EGR3: variants seen among roughly 807,000 people sequenced by gnomAD.
The protein encoded by EGR3 is early growth response 3.
A neutral mutation model predicts 22.4 loss-of-function variants in EGR3; 4 were observed. That is an observed-to-expected ratio of 0.18 (90% CI 0.09 to 0.41). The LOEUF is 0.41. Ranked by LOEUF, EGR3 falls within the 10% of genes least tolerant of loss-of-function variation. EGR3 has a pLI of 1.00. For synonymous variants in EGR3, 219 were observed against 226.8 expected, an observed-to-expected ratio of 0.97 and a Z score of 0.31; for missense variants, 315 against 541.3, an observed-to-expected ratio of 0.58 and a Z score of 4.15.
rs772418656 is a variant in EGR3 at position 22,691,494 on chromosome 8, G to A, written c.155-12C>T. 7.5e-6 allele frequency: 12 copies of A among 1,610,102 alleles called. No homozygotes were observed. The highest frequency in any genetic ancestry group is 5.5e-5 in the South Asian group (5 of 91,020). Reference sequence around the variant, plus strand: ...GTCCATTACATTCTCTGCGGAGAGCGGGGGAGAGAGGGGAGGGGTGAGTGA... The same window carrying A: ...GTCCATTACATTCTCTGCGGAGAGCAGGGGAGAGAGGGGAGGGGTGAGTGA... On this transcript the variant is annotated splice_polypyrimidine_tract_variant and intron_variant, in intron 1 of 1. Transcript: ENST00000317216.
chr8:22,691,929 A>T, intron 1 of EGR3: 4 of 1,230,492 alleles, frequency 3.3e-6, no homozygotes, highest in Non-Finnish European at 4.1e-6. Context: ...CTCCCCGGCG[A>T]TGCCCCCCAC....
rs1008542728 is a variant in EGR3 at position 22,690,157 on chromosome 8, G to T, written c.*316C>A. 1.2e-5 allele frequency: 5 copies of T among 415,346 alleles called. No homozygotes were observed. Among genetic ancestry groups the T allele is most frequent in the Non-Finnish European group, 2.2e-5 (5 of 231,902 alleles). The allele number at this position is 415,346 out of a possible 1,614,324, so 25.7% of individuals were successfully genotyped here. On this transcript the variant is annotated 3_prime_UTR_variant, in exon 2 of 2. Coordinates refer to ENST00000317216, the MANE Select transcript of EGR3 (RefSeq NM_004430.3). ...GGGCTCCGCCTTCAGTCCCTTGCAG[G>T]TCCTTGGCGCGGCCCGGCGGCCCCT...
In EGR3 at chr8:22,692,481, A is replaced by G; in HGVS notation, c.154+310T>C. The G allele has an allele frequency of 7.0e-7, 1 of 1,431,022 alleles. No individual in the cohort carries two copies. The highest frequency in any genetic ancestry group is 9.1e-7 in the Non-Finnish European group (1 of 1,097,260). 88.6% of individuals were successfully genotyped at this position (1,431,022 alleles called of 1,614,324 possible). On this transcript the variant is annotated intron_variant, in intron 1 of 1. Coordinates refer to ENST00000317216, the MANE Select transcript of EGR3 (RefSeq NM_004430.3). The surrounding 1 kb of genome is among the most constrained non-coding windows in gnomAD (Gnocchi z 6.2). The stretch of plus-strand genomic sequence containing the variant: ...CCCCTGCGTGGTGAGGGAGAACCCC[A>G]GAGCCGCTCGCACCTACCTCCCTCC...
In EGR3 at chr8:22,692,167, C is replaced by G; in HGVS notation, c.154+624G>C. On this transcript the variant is annotated intron_variant, in intron 1 of 1. Coordinates refer to ENST00000317216, the MANE Select transcript of EGR3 (RefSeq NM_004430.3). This position sits in a 1 kb window ranked among gnomAD's most constrained non-coding sequence, Gnocchi z 6.2. The stretch of plus-strand genomic sequence containing the variant: ...TGTCTCCATGGCGGGAGAGGCCGCC[C>G]TTCCCCAGCTCCCCGGCCCCGGGAT... The G allele has an allele frequency of 5.8e-6, 8 of 1,377,906 alleles. No individual in the cohort carries two copies. Among genetic ancestry groups the G allele is most frequent in the Non-Finnish European group, 7.5e-6 (8 of 1,070,264 alleles). The allele number at this position is 1,377,906 out of a possible 1,614,324, so 85.4% of individuals were successfully genotyped here. A position where few individuals can be genotyped will look rare whatever the true frequency, so the allele number is the denominator to read the frequency against.
chr8:22,691,127 G>C lies in EGR3; in HGVS notation c.510C>G (p.Ala170=). ...FHDPQGNPGL[A]YSPQDYQSAK... Reference sequence around the variant, plus strand: ...CCGATTGGTAATCCTGGGGGGAATAGGCGAGCCCGGGATTGCCCTGGGGGT... The same window carrying C: ...CCGATTGGTAATCCTGGGGGGAATACGCGAGCCCGGGATTGCCCTGGGGGT... Residue 170 remains alanine (A), a synonymous_variant, in exon 2 of 2, where the codon GCC becomes GCG. Coordinates refer to ENST00000317216, the MANE Select transcript of EGR3 (RefSeq NM_004430.3). 1 of 1,614,144 alleles carries C rather than the reference G, an allele frequency of 6.2e-7. No homozygotes were observed. The highest frequency in any genetic ancestry group is 8.5e-7 in the Non-Finnish European group (1 of 1,180,024).
In EGR3 at chr8:22,693,336, C is replaced by G; in HGVS notation, c.-392G>C. ...AGACACGCGCCCGCCGCCCCCCCGC[C>G]CCCCGATCTGCCACCGCCACCGCCA... On this transcript the variant is annotated 5_prime_UTR_variant, in exon 1 of 2. Transcript: ENST00000317216. 7.8e-6 allele frequency: 1 copy of G among 128,536 alleles called. No individual in the cohort carries two copies. The highest frequency in any genetic ancestry group is 1.6e-5 in the Non-Finnish European group (1 of 60,874). The allele number at this position is 128,536 out of a possible 1,614,324, so 8.0% of individuals were successfully genotyped here.
In EGR3 at chr8:22,692,396, G is replaced by A. The variant is rs978944649; in HGVS notation, c.154+395C>T. 1.2e-5 allele frequency: 17 copies of A among 1,445,962 alleles called. No individual in the cohort carries two copies. In the African/African-American group the frequency reaches 2.3e-4, roughly 20 times the overall value. 89.6% of individuals were successfully genotyped at this position (1,445,962 alleles called of 1,614,324 possible). ...GGAGAGCGCGGGTGAAAAAGACGCC[G>A]GGCTCCTCCCGGGAAGAGGGCGACA... On this transcript the variant is annotated intron_variant, in intron 1 of 1. Coordinates refer to ENST00000317216, the MANE Select transcript of EGR3 (RefSeq NM_004430.3). This position sits in a 1 kb window ranked among gnomAD's most constrained non-coding sequence, Gnocchi z 6.2.
At position 22,690,683 on chromosome 8, in the gene EGR3, G is replaced by A. The variant is rs147802335; in HGVS notation, c.954C>T (p.Asp318=). 6.2e-7 allele frequency: 1 copy of A among 1,614,066 alleles called. No individual in the cohort carries two copies. The highest frequency in any genetic ancestry group is 8.5e-7 in the Non-Finnish European group (1 of 1,179,908). The part of the protein sequence containing the change: ...RICMRSFSRS[D]HLTTHIRTHT... ...GAGTGCGGATGTGAGTGGTGAGGTG[G>A]TCGCTGCGGCTGAAGCTCCGCATGC... is the stretch of plus-strand genomic sequence containing the variant. Residue 318 remains aspartate (D), a synonymous_variant, in exon 2 of 2, where the codon GAC becomes GAT. Coordinates refer to ENST00000317216, the MANE Select transcript of EGR3 (RefSeq NM_004430.3).
In EGR3 at chr8:22,692,187, C is replaced by T; in HGVS notation, c.154+604G>A. ...CCGCCCTTCCCCAGCTCCCCGGCCC[C>T]GGGATCGTTCCCCGTGGCAGGCCCT... On this transcript the variant is annotated intron_variant, in intron 1 of 1. Transcript: ENST00000317216. The surrounding 1 kb of genome is among the most constrained non-coding windows in gnomAD (Gnocchi z 6.2). 7.2e-7 allele frequency: 1 copy of T among 1,392,354 alleles called. No homozygotes were observed. The highest frequency in any genetic ancestry group is 1.6e-5 in the South Asian group (1 of 64,194). 86.2% of individuals were successfully genotyped at this position (1,392,354 alleles called of 1,614,324 possible).
chr8:22,692,925 T>C lies in EGR3; in HGVS notation c.20A>G (p.Glu7Gly). Residue 7 changes from glutamate to glycine, a missense_variant, in exon 1 of 2, where the codon GAG (glutamate) becomes GGG (glycine). Transcript: ENST00000317216. The surrounding 1 kb of genome is among the most constrained non-coding windows in gnomAD (Gnocchi z 6.2). ...ACTGCTCATGGTCACCGGCAGCTTC[T>C]CGGCGAGTTTGCCGGTCATAGCACT... Reference protein sequence around the residue: MTGKLAEKLPVTMSSLL... With the variant: MTGKLAGKLPVTMSSLL... The C allele has an allele frequency of 6.2e-7, 1 of 1,612,042 alleles. No individual in the cohort carries two copies. Among genetic ancestry groups the C allele is most frequent in the Non-Finnish European group, 8.5e-7 (1 of 1,179,570 alleles).
rs1474060587 is a variant in EGR3, at chr8:22,688,107, T to G, written c.*2366A>C. ...TTCTCTCAGTTCACATAAGTTAGAG[T>G]GCATTTTCTTTTGTTGCTTTTTTTT... On this transcript the variant is annotated 3_prime_UTR_variant, in exon 2 of 2. Coordinates refer to ENST00000317216, the MANE Select transcript of EGR3 (RefSeq NM_004430.3). 1 of 152,410 alleles carries G rather than the reference T, an allele frequency of 6.6e-6. No individual in the cohort carries two copies. Among genetic ancestry groups the G allele is most frequent in the African/African-American group, 2.4e-5 (1 of 41,406 alleles). 9.4% of individuals were successfully genotyped at this position (152,410 alleles called of 1,614,324 possible).
rs1804007121 is a variant in EGR3 at position 22,692,553 on chromosome 8, C to T, written c.154+238G>A. ...GGGAGAACCGAAGCCTCTACCGTGG[C>T]GTCGCCAACCTAGCCTTCTCGATCG... On this transcript the variant is annotated intron_variant, in intron 1 of 1. Coordinates refer to ENST00000317216, the MANE Select transcript of EGR3 (RefSeq NM_004430.3). The surrounding 1 kb of genome is among the most constrained non-coding windows in gnomAD (Gnocchi z 6.2). 1.4e-6 allele frequency: 2 copies of T among 1,411,376 alleles called. No homozygotes were observed. Among genetic ancestry groups the T allele is most frequent in the Non-Finnish European group, 1.8e-6 (2 of 1,085,328 alleles). 87.4% of individuals were successfully genotyped at this position (1,411,376 alleles called of 1,614,324 possible).
chr8:22,690,972 G>A lies in EGR3; in HGVS notation c.665C>T (p.Pro222Leu). The A allele has an allele frequency of 6.4e-7, 1 of 1,567,346 alleles. No individual in the cohort carries two copies. The highest frequency in any genetic ancestry group is 8.7e-7 in the Non-Finnish European group (1 of 1,153,938). Residue 222 changes from proline (P) to leucine (L), a missense_variant, in exon 2 of 2, where the codon CCG (proline) becomes CTG (leucine). This residue lies in a region of EGR3 where 227 missense variants were observed against 303.6 expected (regional missense o/e 0.75). Coordinates refer to ENST00000317216, the MANE Select transcript of EGR3 (RefSeq NM_004430.3). Reference sequence around the variant, plus strand: ...GGTCTCCAGAGGGGTAATAGGGGGCGGGTTGACCCGGATGGGGTCCATGCC... The same window carrying A: ...GGTCTCCAGAGGGGTAATAGGGGGCAGGTTGACCCGGATGGGGTCCATGCC... The part of the protein sequence containing the change: ...FQGMDPIRVN[P>L]PPITPLETIK...
Position 22,690,266 on chromosome 8 carries a change from G to A in EGR3, c.*207C>T, listed in dbSNP as rs1803898075. On this transcript the variant is annotated 3_prime_UTR_variant, in exon 2 of 2. Coordinates refer to ENST00000317216, the MANE Select transcript of EGR3 (RefSeq NM_004430.3). Reference sequence around the variant, plus strand: ...CCTTGGCTAAGTGGGGGACCGCGAGGGGAAGGCGCCTCCAGCCCTGGCCCC... The same window carrying A: ...CCTTGGCTAAGTGGGGGACCGCGAGAGGAAGGCGCCTCCAGCCCTGGCCCC... 3.5e-6 allele frequency: 2 copies of A among 578,866 alleles called. No homozygotes were observed. Among genetic ancestry groups the A allele is most frequent in the South Asian group, 2.3e-5 (1 of 43,818 alleles). 35.9% of individuals were successfully genotyped at this position (578,866 alleles called of 1,614,324 possible). A position where few individuals can be genotyped will look rare whatever the true frequency, so the allele number is the denominator to read the frequency against.
Position 22,692,302 on chromosome 8 carries a change from C to G in EGR3, c.154+489G>C. The stretch of plus-strand genomic sequence containing the variant: ...CCCCGGAAAGGCAGCGTCGCAGTAC[C>G]TCTCCCACCGCGGGGACTCCACGCC... On this transcript the variant is annotated intron_variant, in intron 1 of 1. Coordinates refer to ENST00000317216, the MANE Select transcript of EGR3 (RefSeq NM_004430.3). This position sits in a 1 kb window ranked among gnomAD's most constrained non-coding sequence, Gnocchi z 6.2. 1 of 1,519,876 alleles carries G rather than the reference C, an allele frequency of 6.6e-7. No individual in the cohort carries two copies. The highest frequency in any genetic ancestry group is 1.2e-5 in the South Asian group (1 of 82,972). The allele number at this position is 1,519,876 out of a possible 1,614,324, so 94.1% of individuals were successfully genotyped here. A position where few individuals can be genotyped will look rare whatever the true frequency, so the allele number is the denominator to read the frequency against.
chr8:22,692,043 C>A lies in EGR3; in HGVS notation c.155-561G>T. 7.6e-7 allele frequency: 1 copy of A among 1,315,258 alleles called. No homozygotes were observed. The highest frequency in any genetic ancestry group is 2.9e-4 in the Middle Eastern group (1 of 3,454). The allele number at this position is 1,315,258 out of a possible 1,614,324, so 81.5% of individuals were successfully genotyped here. On this transcript the variant is annotated intron_variant, in intron 1 of 1. Coordinates refer to ENST00000317216, the MANE Select transcript of EGR3 (RefSeq NM_004430.3). This position sits in a 1 kb window ranked among gnomAD's most constrained non-coding sequence, Gnocchi z 6.2. Reference sequence around the variant, plus strand: ...GGAGCTCTCCCTTCACCTACCCCGGCCCCAGCCTCCTCGGGCATGAAGGAG... The same window carrying A: ...GGAGCTCTCCCTTCACCTACCCCGGACCCAGCCTCCTCGGGCATGAAGGAG...
At position 22,692,632 on chromosome 8, in the gene EGR3, A is replaced by G; in HGVS notation, c.154+159T>C. The G allele has an allele frequency of 7.0e-7, 1 of 1,421,078 alleles. No individual in the cohort carries two copies. The highest frequency in any genetic ancestry group is 9.3e-7 in the Non-Finnish European group (1 of 1,080,782). The allele number at this position is 1,421,078 out of a possible 1,614,324, so 88.0% of individuals were successfully genotyped here. A position where few individuals can be genotyped will look rare whatever the true frequency, so the allele number is the denominator to read the frequency against. On this transcript the variant is annotated intron_variant, in intron 1 of 1. Transcript: ENST00000317216. This position sits in a 1 kb window ranked among gnomAD's most constrained non-coding sequence, Gnocchi z 6.2. Reference sequence around the variant, plus strand: ...GCAACTCGCCCCCCGCAAAATTCCCAGCGCGCCCCCATCTCTCCATCCATT... The same window carrying G: ...GCAACTCGCCCCCCGCAAAATTCCCGGCGCGCCCCCATCTCTCCATCCATT...
In EGR3 at chr8:22,690,512, G is replaced by A. The variant is rs1208870674; in HGVS notation, c.1125C>T (p.Pro375=). 2 of 1,609,980 alleles carry A rather than the reference G, an allele frequency of 1.2e-6. No homozygotes were observed. Among genetic ancestry groups the A allele is most frequent in the Non-Finnish European group, 8.5e-7 (1 of 1,177,930 alleles). The change falls in exon 2 of 2, where the codon CCC becomes CCT. Residue 375 remains proline, a synonymous_variant. Transcript: ENST00000317216. ...KGGAPSASSA[P]PVSLAPVVTT... is the part of the protein sequence containing the mutation. ...TGACCACGGGGGCCAGCGACACGGG[G>A]GGCGCCGAGGATGCAGAGGGTGCAC...
At position 22,690,512 on chromosome 8, in the gene EGR3, G is replaced by T. The variant is rs1208870674; in HGVS notation, c.1125C>A (p.Pro375=). 1 of 1,610,098 alleles carries T rather than the reference G, an allele frequency of 6.2e-7. No homozygotes were observed. Among genetic ancestry groups the T allele is most frequent in the Non-Finnish European group, 8.5e-7 (1 of 1,177,922 alleles). ...TGACCACGGGGGCCAGCGACACGGGGGGCGCCGAGGATGCAGAGGGTGCAC... is the reference window on the plus strand; with the variant it reads ...TGACCACGGGGGCCAGCGACACGGGTGGCGCCGAGGATGCAGAGGGTGCAC... ...KGGAPSASSA[P]PVSLAPVVTT... is the part of the protein sequence containing the mutation. Residue 375 remains proline (P), a synonymous_variant, in exon 2 of 2, where the codon CCC becomes CCA. Coordinates refer to ENST00000317216, the MANE Select transcript of EGR3 (RefSeq NM_004430.3).
Sources: gnomAD v4.1 joint callset for allele counts on GRCh38, gnomAD v4.1.1 for gene constraint, gnomAD v4.1.1 regional missense constraint, Gnocchi (gnomAD v3.1) non-coding constraint, MANE v1.5 for transcripts, NCBI Gene and HGNC (gene_info 2026-07-23, HGNC 2026-07-21) for gene names.